The following CLIC5 variants were observed in gnomAD, a reference collection of about 807,000 sequenced individuals.
The protein encoded by CLIC5 is CLIC family member 5.
In CLIC5, 20 loss-of-function variants were observed where a neutral mutation model predicts 24.7. The ratio of observed to expected loss-of-function variants is 0.81; its 90% CI spans 0.57 to 1.18. The LOEUF (loss-of-function observed/expected upper bound fraction) is 1.18. CLIC5 is among the 50% of genes most tolerant of loss of function. The pLI is 0.00. For synonymous variants in CLIC5, 159 were observed against 135.6 expected, an observed-to-expected ratio of 1.17 and a Z score of -1.20; for missense variants, 341 against 326.1, an observed-to-expected ratio of 1.05 and a Z score of -0.35.
chr6:46,031,748 TA>T (rs1252922792), intron 1 of CLIC5, among the ~76,000 whole-genome samples: 6 of 150,888 alleles, frequency 4.0e-5, no homozygotes, highest in East Asian at 2.0e-4. Context: ...AAGGATATCA[TA>T]AAAAAATATG....
the CLIC5 span, among the ~76,000 whole-genome samples, chr6:46,092,824 A>G: frequency 6.6e-6 from 1 of 152,134 alleles, no homozygotes; most frequent in African/African-American, 2.4e-5. Context: ...TTTCTGCCCT[A>G]TTACTTCCAT....
upstream of CLIC5, chr6:46,080,476 C>T (rs188229340): frequency 2.1e-6 from 1 of 483,588 alleles, no homozygotes; most frequent in East Asian, 3.1e-5. Flanking sequence ...AACTCCTTCA[C>T]TCCTAAAGAT....
chr6:46,037,541 A>G (rs1767695693), intron 1 of CLIC5, among the ~76,000 whole-genome samples: 1 of 152,228 alleles, frequency 6.6e-6, no homozygotes, highest in African/African-American at 2.4e-5. Flanking sequence ...TTTTGCCCCA[A>G]GATGATGGCA....
At position 46,079,235 on chromosome 6, in the gene CLIC5, A is replaced by G. The variant is rs1226762247; in HGVS notation, c.540+468T>C. On this transcript the variant is annotated intron_variant, in intron 1 of 5. Transcript: ENST00000185206. ...CAAATTTTTAGTTATATTGGTGCCAAAGGGGCAAGCTAGTGACAGAGATAG... is the reference window on the plus strand; with the variant it reads ...CAAATTTTTAGTTATATTGGTGCCAGAGGGGCAAGCTAGTGACAGAGATAG... Among the ~76,000 whole-genome samples the G allele has an allele frequency of 5.9e-5, 9 of 152,194 alleles. No homozygotes were observed. The East Asian group carries it at 1.7e-3, about 29-fold the overall frequency.
At chr6:46,044,736 A>T (rs1432326745) in intron 1 of CLIC5, among the ~76,000 whole-genome samples, 1 of 152,220 alleles carries the variant, frequency 6.6e-6, no homozygotes, top group East Asian at 1.9e-4. Context: ...ACTGAAGATG[A>T]AAAAGAATGC....
At chr6:46,039,459 CA>C (rs1767748030) in intron 1 of CLIC5, among the ~76,000 whole-genome samples, 1 of 151,634 alleles carries the variant, frequency 6.6e-6, no homozygotes, top group East Asian at 1.9e-4. Context: ...GGTCATGGTG[CA>C]GAGACGGCAT....
chr6:45,928,525 C>T (rs1040235038), intron 4 of CLIC5, among the ~76,000 whole-genome samples: 6 of 152,200 alleles, frequency 3.9e-5, no homozygotes, highest in African/African-American at 1.4e-4. Context: ...TACTTTCAAC[C>T]TACACACACA....
chr6:45,949,789 G>GA, intron 2 of CLIC5, among the ~76,000 whole-genome samples: 1 of 152,272 alleles, frequency 6.6e-6, no homozygotes, highest in South Asian at 2.1e-4. Flanking sequence ...AAAAATTAAT[G>GA]AATTAGATCA....
Position 45,961,651 on chromosome 6 carries a change from AT to A in CLIC5, c.64-6408del, listed in dbSNP as rs201684338. On this transcript the variant is annotated intron_variant, in intron 1 of 5. Transcript: ENST00000339561. ...TCAGACAACATTTCTAGTTGTGACT[AT>A]TTTTTTTTTAATACCAAACAGTCTA... Among the ~76,000 whole-genome samples, 502 of 149,932 alleles carry A rather than the reference AT, an allele frequency of 3.3e-3. 10 individuals are homozygous for A. In the South Asian group the frequency reaches 0.052, roughly 16 times the overall value.
upstream of CLIC5, among the ~76,000 whole-genome samples, chr6:46,018,032 C>A (rs1425118949): frequency 6.6e-6 from 1 of 152,154 alleles, no homozygotes; most frequent in Non-Finnish European, 1.5e-5. Flanking sequence ...GAAACAGTCA[C>A]CTTCACAGCT....
intron 1 of CLIC5, among the ~76,000 whole-genome samples, chr6:45,995,740 G>GA (rs968276666): frequency 6.6e-6 from 1 of 152,062 alleles, no homozygotes; most frequent in African/African-American, 2.4e-5. Flanking sequence ...TCTGAGACTG[G>GA]ATAAAGAAAT....
At chr6:46,014,843 C>T (rs897490861) in intron 1 of CLIC5, 3 of 152,212 alleles carry the variant, frequency 2.0e-5, no homozygotes, top group Admixed American at 6.5e-5. Flanking sequence ...GGGAGGCTCT[C>T]CCTACTACCA....
intron 6 of CLIC5, among the ~76,000 whole-genome samples, chr6:45,881,888 G>A (rs573508242): frequency 5.9e-5 from 9 of 152,002 alleles, no homozygotes; most frequent in Admixed American, 3.3e-4. Flanking sequence ...TTGAAATGTC[G>A]AACTCGTGAA....
At chr6:45,946,049 G>C (rs1056329763) in intron 3 of CLIC5, among the ~76,000 whole-genome samples, 2 of 152,230 alleles carry the variant, frequency 1.3e-5, no homozygotes, top group Non-Finnish European at 2.9e-5. Flanking sequence ...TGCAACAAAA[G>C]ACATCTTGGA....
rs564174384 is a variant in CLIC5 at position 45,917,581 on chromosome 6, G to C, written c.407-3172C>G. The stretch of plus-strand genomic sequence containing the variant: ...CTTATACTCCCTTGGGATGCTCCTT[G>C]GTGATAAGCTGTGTTGAAAGGCACA... On this transcript the variant is annotated intron_variant, in intron 4 of 5. Transcript: ENST00000339561. 9.9e-5 allele frequency among the ~76,000 whole-genome samples: 15 copies of C among 152,214 alleles called. No homozygotes were observed. The East Asian group carries it at 2.7e-3, about 27-fold the overall frequency.
In CLIC5 at chr6:45,918,597, T is replaced by G. The variant is rs577608592; in HGVS notation, c.407-4188A>C. ...GGCTGCACGCTCAACTTCTCATATA[T>G]GGTTTTTCTCTTGTATGTGTGTTGC... On this transcript the variant is annotated intron_variant, in intron 4 of 5. Transcript: ENST00000339561. 2.8e-4 allele frequency among the ~76,000 whole-genome samples: 42 copies of G among 152,392 alleles called. 1 individual carries two copies. The highest frequency in any genetic ancestry group is 6.8e-3 in the Middle Eastern group (2 of 294).
intron 1 of CLIC5, among the ~76,000 whole-genome samples, chr6:45,965,895 AATCCTCATACCAAAC>A (rs1473533384): frequency 6.6e-6 from 1 of 152,216 alleles, no homozygotes; most frequent in African/African-American, 2.4e-5. Flanking sequence ...CAATTCCTAT[AATCCTCATACCAAAC>A]AAGGATATCT....
the CLIC5 span, among the ~76,000 whole-genome samples, chr6:46,085,910 C>T: frequency 5.3e-5 from 8 of 152,248 alleles, no homozygotes; most frequent in Non-Finnish European, 1.2e-4. Flanking sequence ...GTTCAAGTTT[C>T]CCGGCTGCTT....
chr6:46,055,282 T>C (rs1035745256), intron 1 of CLIC5, among the ~76,000 whole-genome samples: 2 of 152,210 alleles, frequency 1.3e-5, no homozygotes, highest in Non-Finnish European at 1.5e-5. Flanking sequence ...TTTCTATTTT[T>C]AGTAGAGACG....
Sources: allele counts gnomAD v4.1 joint callset (sites outside exome capture counted in the v4.1 genomes callset), GRCh38; gene constraint gnomAD v4.1.1; transcripts MANE v1.5; gene names NCBI Gene and HGNC (gene_info 2026-07-23, HGNC 2026-07-21).